Variants in FAM193A observed in about 807,000 individuals in gnomAD.
The protein encoded by FAM193A is protein FAM193A.
A neutral mutation model predicts 126.5 loss-of-function variants in FAM193A; 22 were observed. The observed-to-expected ratio is 0.17, with a 90% CI of 0.12 to 0.25. The LOEUF (loss-of-function observed/expected upper bound fraction) is 0.25. Ranked by LOEUF, FAM193A falls within the 10% of genes least tolerant of loss-of-function variation. The pLI, the probability that FAM193A is intolerant of heterozygous loss-of-function variation, is 1.00. For missense variants in FAM193A, 1,675 were observed against 1,672.8 expected (o/e 1.00, Z -0.02); for synonymous variants, 761 against 646.8 (o/e 1.18, Z -2.68).
At chr4:2,666,210 A>G (rs1303118297) in intron 12 of FAM193A, among the ~76,000 whole-genome samples, 6 of 152,048 alleles carry the variant, frequency 3.9e-5, no homozygotes, top group African/African-American at 1.4e-4. Flanking sequence ...TGAATATTGA[A>G]TTGTATTGAA....
chr4:2,573,922 C>G (rs1007102517), intron 1 of FAM193A, among the ~76,000 whole-genome samples: 10 of 152,144 alleles, frequency 6.6e-5, no homozygotes, highest in African/African-American at 2.4e-4. Flanking sequence ...AGTACAAAGG[C>G]CTCGTCTGGG....
At chr4:2,650,443 C>T (rs1745546577) in intron 7 of FAM193A, among the ~76,000 whole-genome samples, 1 of 152,184 alleles carries the variant, frequency 6.6e-6, no homozygotes, top group African/African-American at 2.4e-5. Context: ...TCCTGCCCGG[C>T]TCACTCTCGT....
intron 19 of FAM193A, among the ~76,000 whole-genome samples, chr4:2,710,265 C>T (rs1203118181): frequency 1.3e-5 from 2 of 148,830 alleles, no homozygotes; most frequent in African/African-American, 5.0e-5. Context: ...GCCTCCACCT[C>T]CCGGGTTCAA....
At chr4:2,647,110 C>T (rs1745226671) in intron 7 of FAM193A, among the ~76,000 whole-genome samples, 1 of 152,142 alleles carries the variant, frequency 6.6e-6, no homozygotes, top group Non-Finnish European at 1.5e-5. Context: ...CTGTCACTCA[C>T]ACGGGCTGTC....
At chr4:2,535,956 C>A (rs915288690), upstream of FAM193A, among the ~76,000 whole-genome samples, 9 of 152,190 alleles carry the variant, frequency 5.9e-5, no homozygotes, top group African/African-American at 2.2e-4. Context: ...CACCGCACCG[C>A]GCCCGGCTTT....
intron 1 of FAM193A, among the ~76,000 whole-genome samples, chr4:2,559,761 C>T (rs1323806849): frequency 1.3e-5 from 2 of 152,174 alleles, no homozygotes; most frequent in Non-Finnish European, 2.9e-5. Flanking sequence ...CTCTCTTGTT[C>T]CTGCCAGACT....
chr4:2,680,867 C>A (rs1163201789), intron 13 of FAM193A, among the ~76,000 whole-genome samples: 3 of 152,096 alleles, frequency 2.0e-5, no homozygotes, highest in African/African-American at 7.2e-5. Flanking sequence ...GTCTCGAACC[C>A]CTGACCTCAG....
intron 1 of FAM193A, among the ~76,000 whole-genome samples, chr4:2,561,214 T>C (rs779266612): frequency 3.9e-5 from 6 of 152,336 alleles, no homozygotes; most frequent in Non-Finnish European, 8.8e-5. Flanking sequence ...AGGATCTCGC[T>C]CTGTTGCCCA....
At chr4:2,599,576 A>C (rs1390119232) in intron 2 of FAM193A, among the ~76,000 whole-genome samples, 1 of 152,200 alleles carries the variant, frequency 6.6e-6, no homozygotes, top group African/African-American at 2.4e-5. Context: ...TGACAGTTGC[A>C]CGTTGCAAAT....
At chr4:2,598,241 A>G (rs187444805) in intron 2 of FAM193A, among the ~76,000 whole-genome samples, 27 of 152,240 alleles carry the variant, frequency 1.8e-4, no homozygotes, top group Middle Eastern at 3.4e-3. Flanking sequence ...AGTGTCACAT[A>G]TACTTCTGTA....
At chr4:2,697,392 A>G (rs1329774716) in intron 18 of FAM193A, among the ~76,000 whole-genome samples, 3 of 152,170 alleles carry the variant, frequency 2.0e-5, no homozygotes, top group Non-Finnish European at 2.9e-5. Context: ...AGGATTGTCT[A>G]AATGCCCCTA....
At chr4:2,678,827 T>A (rs1054188926) in intron 13 of FAM193A, among the ~76,000 whole-genome samples, 4 of 152,224 alleles carry the variant, frequency 2.6e-5, no homozygotes, top group African/African-American at 9.6e-5. Flanking sequence ...TTTTGTGGAA[T>A]CTTTGGAGTT....
intron 1 of FAM193A, among the ~76,000 whole-genome samples, chr4:2,555,166 T>A (rs1738178388): frequency 1.3e-5 from 2 of 152,228 alleles, no homozygotes; most frequent in South Asian, 4.1e-4. Flanking sequence ...TTTACTAGAC[T>A]TTTTGACCTT....
At chr4:2,696,635 G>A (rs1273298996) in intron 18 of FAM193A, 42 bp downstream of exon 18, 1 of 1,510,434 alleles carries the variant, frequency 6.6e-7, no homozygotes, top group African/African-American at 1.4e-5. Context: ...CAGGTCTGAG[G>A]GCATTTGAAG....
At chr4:2,575,072 C>A (rs1739508538) in intron 1 of FAM193A, among the ~76,000 whole-genome samples, 2 of 152,188 alleles carry the variant, frequency 1.3e-5, no homozygotes, top group South Asian at 4.1e-4. Flanking sequence ...GGGTTAAAGG[C>A]AGCACTAGGC....
At chr4:2,727,651 GCT>G (rs1418735923) in intron 20 of FAM193A, among the ~76,000 whole-genome samples, 2 of 152,086 alleles carry the variant, frequency 1.3e-5, no homozygotes, top group Non-Finnish European at 2.9e-5. Flanking sequence ...CTAAAATATT[GCT>G]CTCTCAAATA....
chr4:2,558,670 G>C (rs1738419431), intron 1 of FAM193A, among the ~76,000 whole-genome samples: 1 of 152,140 alleles, frequency 6.6e-6, no homozygotes, highest in Admixed American at 6.6e-5. Context: ...GATCACAGGC[G>C]GGAGCCACTG....
intron 15 of FAM193A, among the ~76,000 whole-genome samples, chr4:2,692,764 T>G (rs1443463310): frequency 6.6e-6 from 1 of 150,712 alleles, no homozygotes; most frequent in East Asian, 2.0e-4. Flanking sequence ...AAATGGAATA[T>G]GGGTTATACC....
At chr4:2,619,304 T>C (rs1742395977) in intron 2 of FAM193A, among the ~76,000 whole-genome samples, 4 of 152,042 alleles carry the variant, frequency 2.6e-5, no homozygotes, top group Admixed American at 2.0e-4. Flanking sequence ...TTTCTTTTTT[T>C]CTTTTTTATT....
Sources: allele counts gnomAD v4.1 joint callset (sites outside exome capture counted in the v4.1 genomes callset), GRCh38; gene constraint gnomAD v4.1.1; transcripts MANE v1.5; gene names NCBI Gene and HGNC (gene_info 2026-07-23, HGNC 2026-07-21).